DPY19L4: variants seen among roughly 807,000 people sequenced by gnomAD.
The protein encoded by DPY19L4 is dpy-19 like 4.
DPY19L4 carries 97 observed loss-of-function variants against 102.8 expected under a neutral mutation model. That is an observed-to-expected ratio of 0.94 (90% CI 0.80 to 1.12). The LOEUF is 1.12. Among genes scored for constraint, DPY19L4 ranks in the 50% most tolerant of loss-of-function variants. DPY19L4 has a pLI of 0.00. For missense variants in DPY19L4, 815 were observed against 850.4 expected, an observed-to-expected ratio of 0.96 and a Z score of 0.52; for synonymous variants, 252 against 283.1, an observed-to-expected ratio of 0.89 and a Z score of 1.10.
At chr8:94,752,374 A>G (rs1185036530) in intron 6 of DPY19L4, among the ~76,000 whole-genome samples, 2 of 151,826 alleles carry the variant, frequency 1.3e-5, no homozygotes, top group Non-Finnish European at 2.9e-5. Context: ...CATGAGGTTA[A>G]GAGATCGAGG....
At chr8:94,755,668 G>T (rs966336350) in intron 6 of DPY19L4, among the ~76,000 whole-genome samples, 2 of 152,114 alleles carry the variant, frequency 1.3e-5, no homozygotes, top group Admixed American at 6.5e-5. Context: ...GTCGAGGCGG[G>T]TGGATCACCT....
intron 6 of DPY19L4, 134 bp from the exon 7 acceptor site, chr8:94,755,902 T>A (rs1279051478): frequency 1.4e-5 from 12 of 878,880 alleles, no homozygotes; most frequent in Non-Finnish European, 2.0e-5. Context: ...AAAAGGACAA[T>A]GGTGGATCTG....
chr8:94,779,264 A>G (rs947666026), intron 14 of DPY19L4, among the ~76,000 whole-genome samples: 2 of 148,198 alleles, frequency 1.3e-5, no homozygotes, highest in Non-Finnish European at 3.0e-5. Flanking sequence ...AACTTACTTG[A>G]GATTACCAAG....
chr8:94,776,505 TA>T (rs1359445438), intron 13 of DPY19L4, among the ~76,000 whole-genome samples: 516 of 140,748 alleles, frequency 3.7e-3, no homozygotes, highest in Non-Finnish European at 3.3e-3. Flanking sequence ...ATATCTACAT[TA>T]AAAAAAAAAA....
At chr8:94,732,966 A>C (rs1254954154) in intron 2 of DPY19L4, among the ~76,000 whole-genome samples, 1 of 150,870 alleles carries the variant, frequency 6.6e-6, no homozygotes. Context: ...ACCCGCCACC[A>C]CCACATGGGC....
chr8:94,732,960 G>A (rs1586317571), intron 2 of DPY19L4, among the ~76,000 whole-genome samples: 3 of 150,960 alleles, frequency 2.0e-5, no homozygotes. Context: ...ACAGGCACCC[G>A]CCACCACCAC....
intron 1 of DPY19L4, among the ~76,000 whole-genome samples, chr8:94,724,442 T>A (rs1455157727): frequency 1.3e-5 from 2 of 152,220 alleles, no homozygotes; most frequent in Non-Finnish European, 2.9e-5. Flanking sequence ...CTTCTAACTT[T>A]TACTTTAACC....
chr8:94,783,649 A>C (rs1322075646), intron 16 of DPY19L4, 21 bp from the exon 17 acceptor site: 2 of 1,611,280 alleles, frequency 1.2e-6, no homozygotes, highest in Admixed American at 1.7e-5. Context: ...TCAGTGTGCA[A>C]ATCTTTATGG....
chr8:94,770,680 C>T lies in DPY19L4; in HGVS notation c.1454+109C>T, dbSNP rs143276735. 6,337 of 1,410,816 alleles carry T rather than the reference C, an allele frequency of 4.5e-3. 25 individuals carry two copies. The highest frequency in any genetic ancestry group is 5.7e-3 in the Non-Finnish European group (5,846 of 1,027,954). 87.4% of individuals were successfully genotyped at this position (1,410,816 alleles called of 1,614,324 possible). On this transcript the variant is annotated intron_variant, in intron 13 of 18. Transcript: ENST00000414645. The stretch of plus-strand genomic sequence containing the variant: ...TGGGAGGCCAAGGCGGGTGGCTCAC[C>T]TGAGTTCAGGAGTTTGAGACAGTGT...
At chr8:94,753,575 G>A (rs1177793427) in intron 6 of DPY19L4, among the ~76,000 whole-genome samples, 2 of 152,298 alleles carry the variant, frequency 1.3e-5, no homozygotes, top group East Asian at 3.9e-4. Context: ...AGAGAGGGCT[G>A]CAGATGACTT....
intron 3 of DPY19L4, among the ~76,000 whole-genome samples, chr8:94,738,080 A>G (rs1811265158): frequency 6.6e-6 from 1 of 151,958 alleles, no homozygotes; most frequent in South Asian, 2.1e-4. Flanking sequence ...GCACTTTGGG[A>G]GGCTGAGGTG....
At chr8:94,744,440 C>T in intron 6 of DPY19L4, 1 of 456,690 alleles carries the variant, frequency 2.2e-6, no homozygotes, top group African/African-American at 2.0e-5. Context: ...CTGTTATAAC[C>T]TCATCTTAGA....
chr8:94,729,876 G>A (rs976847312), intron 2 of DPY19L4, among the ~76,000 whole-genome samples: 3 of 151,548 alleles, frequency 2.0e-5, no homozygotes, highest in Admixed American at 6.6e-5. Context: ...AAAATACAAC[G>A]TAAGAAAGAA....
intron 6 of DPY19L4, among the ~76,000 whole-genome samples, chr8:94,745,970 T>C (rs1323591391): frequency 6.6e-6 from 1 of 151,540 alleles, no homozygotes; most frequent in African/African-American, 2.4e-5. Flanking sequence ...GTCAGGCTGG[T>C]CTCAAACTAC....
intron 1 of DPY19L4, among the ~76,000 whole-genome samples, chr8:94,723,609 C>T (rs1453012376): frequency 6.6e-6 from 1 of 151,978 alleles, no homozygotes; most frequent in Non-Finnish European, 1.5e-5. Flanking sequence ...TTTGTTTTTC[C>T]ATTATGAAAT....
At position 94,783,672 on chromosome 8, in the gene DPY19L4, G is replaced by A; in HGVS notation, c.1718G>A (p.Arg573Lys). The change falls in exon 17 of 19, where the codon AGG (arginine) becomes AAG (lysine). Residue 573 changes from arginine (R) to lysine (K), a missense_variant and splice_region_variant. By Grantham distance (26) the Arg-to-Lys change is conservative. Coordinates refer to ENST00000414645, the MANE Select transcript of DPY19L4 (RefSeq NM_181787.3). ...DTVELMTWIK[R>K]QAPVAAVFAG... ...CAAATCTTTATGGTTCTTTGCAGAAGGCAAGCTCCAGTTGCAGCTGTGTTT... is the reference window on the plus strand; with the variant it reads ...CAAATCTTTATGGTTCTTTGCAGAAAGCAAGCTCCAGTTGCAGCTGTGTTT... 6.2e-7 allele frequency: 1 copy of A among 1,613,660 alleles called. No individual in the cohort carries two copies. The highest frequency in any genetic ancestry group is 8.5e-7 in the Non-Finnish European group (1 of 1,179,920).
chr8:94,743,237 C>T (rs558197720), intron 6 of DPY19L4, among the ~76,000 whole-genome samples: 2 of 151,610 alleles, frequency 1.3e-5, no homozygotes, highest in South Asian at 4.2e-4. Context: ...CCATGTTGGC[C>T]CAGGCTGTTC....
intron 17 of DPY19L4, among the ~76,000 whole-genome samples, chr8:94,784,114 A>G (rs1045936816): frequency 6.6e-6 from 1 of 152,230 alleles, no homozygotes; most frequent in Non-Finnish European, 1.5e-5. Flanking sequence ...CAGTTGTGCA[A>G]TCTCAGCTCA....
At chr8:94,739,337 T>C (rs1811330766) in intron 4 of DPY19L4, 76 bp from the exon 5 acceptor site, 9 of 1,439,404 alleles carry the variant, frequency 6.3e-6, no homozygotes, top group African/African-American at 2.8e-5. Context: ...CAATATTAAA[T>C]ATTTAAGGAC....
Sources: gnomAD v4.1 joint callset for allele counts (sites outside exome capture counted in the v4.1 genomes callset) on GRCh38, gnomAD v4.1.1 for gene constraint, MANE v1.5 for transcripts, NCBI Gene and HGNC (gene_info 2026-07-23, HGNC 2026-07-21) for gene names.